Variants in ARMH1 observed in about 807,000 individuals in gnomAD.
The protein encoded by ARMH1 is armadillo like helical domain containing 1, also known as armadillo-like helical domain containing protein 1.
In ARMH1, 34 loss-of-function variants were observed where a neutral mutation model predicts 50.2. The observed-to-expected ratio is 0.68, with a 90% CI of 0.51 to 0.90. The LOEUF (loss-of-function observed/expected upper bound fraction) is 0.90. Among genes scored for constraint, ARMH1 ranks in the 40% least tolerant of loss-of-function variants. The probability of loss-of-function intolerance (pLI) is 0.00; values close to 1 mark genes in which losing one functional copy is unlikely to be tolerated. For synonymous variants in ARMH1, 221 were observed against 224.2 expected (o/e 0.99, Z 0.13); for missense variants, 538 against 553.9 (o/e 0.97, Z 0.29).
rs1469911244 is a variant in ARMH1 at position 44,724,398 on chromosome 1, C to T, written c.920+6C>T. The stretch of plus-strand genomic sequence containing the variant: ...GCGGCCGCCAAGGCCATCGGGTAAG[C>T]GGGCAGGGGTTAGTGGGTAGCTGCA... On this transcript the variant is annotated splice_donor_region_variant and intron_variant, in intron 8 of 11. Coordinates refer to ENST00000535358, the MANE Select transcript of ARMH1 (RefSeq NM_001145636.2). This position sits in a 1 kb window ranked among gnomAD's most constrained non-coding sequence, Gnocchi z 6.4. 3.0e-5 allele frequency: 47 copies of T among 1,548,986 alleles called. No individual in the cohort carries two copies. The highest frequency in any genetic ancestry group is 3.9e-5 in the Non-Finnish European group (45 of 1,146,774).
rs1200953382 is a variant in ARMH1, at chr1:44,724,737, A to C, written c.1051-25A>C. 1.3e-6 allele frequency: 2 copies of C among 1,516,564 alleles called. No individual in the cohort carries two copies. The highest frequency in any genetic ancestry group is 2.6e-5 in the East Asian group (1 of 38,388). 93.9% of individuals were successfully genotyped at this position (1,516,564 alleles called of 1,614,324 possible). ...CCGCAGCCCCGTCGCCCCCGCAGTCACGCCGCCTCGCCCGCGCGGCGCAGT... is the reference window on the plus strand; with the variant it reads ...CCGCAGCCCCGTCGCCCCCGCAGTCCCGCCGCCTCGCCCGCGCGGCGCAGT... On this transcript the variant is annotated intron_variant, in intron 9 of 11. Coordinates refer to ENST00000535358, the MANE Select transcript of ARMH1 (RefSeq NM_001145636.2). This position sits in a 1 kb window ranked among gnomAD's most constrained non-coding sequence, Gnocchi z 6.4.
Position 44,697,985 on chromosome 1 carries a change from C to A in ARMH1, c.276-78C>A, listed in dbSNP as rs1480865045. On this transcript the variant is annotated intron_variant, in intron 3 of 11. Coordinates refer to ENST00000535358, the MANE Select transcript of ARMH1 (RefSeq NM_001145636.2). The stretch of plus-strand genomic sequence containing the variant: ...GAGGGCAAAGTATGTAAAGAGGGGA[C>A]CTTGGGATCTCTTTGAAAGCTCAGT... 4 of 1,201,154 alleles carry A rather than the reference C, an allele frequency of 3.3e-6. No homozygotes were observed. In the East Asian group the frequency reaches 8.0e-5, roughly 24 times the overall value. The allele number at this position is 1,201,154 out of a possible 1,614,324, so 74.4% of individuals were successfully genotyped here. A position where few individuals can be genotyped will look rare whatever the true frequency, so the allele number is the denominator to read the frequency against.
In ARMH1 at chr1:44,699,376, T is replaced by C. The variant is rs1645953872; in HGVS notation, c.442+1147T>C. ...CTAGGTATATGCCAGGTGCTAGGGA[T>C]ACAAAAATGAATACAATATAATCCC... On this transcript the variant is annotated intron_variant, in intron 4 of 11. Coordinates refer to ENST00000535358, the MANE Select transcript of ARMH1 (RefSeq NM_001145636.2). Among the ~76,000 whole-genome samples, 9 of 152,094 alleles carry C rather than the reference T, an allele frequency of 5.9e-5. No individual in the cohort carries two copies. In the South Asian group the frequency reaches 1.9e-3, roughly 32 times the overall value.
chr1:44,690,037 G>A, intron 2 of ARMH1, 134 bp downstream of exon 2: 1 of 728,858 alleles, frequency 1.4e-6, no homozygotes, highest in Non-Finnish European at 2.2e-6. Context: ...AACCAACATG[G>A]TGAAACCCTG....
intron 6 of ARMH1, among the ~76,000 whole-genome samples, chr1:44,706,961 T>A (rs901188767): frequency 6.6e-6 from 1 of 152,074 alleles, no homozygotes; most frequent in East Asian, 1.9e-4. Flanking sequence ...TGTGGCAAAC[T>A]TGCCCACTCC....
chr1:44,725,393 C>G lies in ARMH1; in HGVS notation c.1313C>G (p.Ser438Ter). 6.4e-7 allele frequency: 1 copy of G among 1,551,750 alleles called. No homozygotes were observed. ...YLTHFEEDVE[S>*]KE Reference sequence around the variant, plus strand: ...ACACACTTCGAGGAGGATGTAGAATCAAAGGAGTAACAGCCCCTGTGGCAA... The same window carrying G: ...ACACACTTCGAGGAGGATGTAGAATGAAAGGAGTAACAGCCCCTGTGGCAA... Residue 438 changes from serine to a stop codon, truncating the protein, a stop_gained, in exon 12 of 12, where the codon TCA becomes TGA. Transcript: ENST00000535358. LOFTEE classifies it high-confidence loss of function.
At chr1:44,707,804 C>T (rs140742834) in intron 6 of ARMH1, among the ~76,000 whole-genome samples, 3 of 152,308 alleles carry the variant, frequency 2.0e-5, no homozygotes, top group African/African-American at 7.2e-5. Flanking sequence ...AAGTTAGAGT[C>T]CTTCTGCATT....
intron 6 of ARMH1, among the ~76,000 whole-genome samples, chr1:44,711,011 A>G (rs1646590899): frequency 1.3e-5 from 2 of 152,276 alleles, no homozygotes; most frequent in Non-Finnish European, 2.9e-5. Context: ...CCCACATTGT[A>G]ACATGCATCA....
At chr1:44,719,020 T>C (rs574871008) in intron 6 of ARMH1, among the ~76,000 whole-genome samples, 30 of 120,914 alleles carry the variant, frequency 2.5e-4, no homozygotes, top group African/African-American at 1.1e-3. Flanking sequence ...AGTGAAACTG[T>C]CTCGGAAAAA....
chr1:44,686,930 C>A (rs1295094190), intron 1 of ARMH1, among the ~76,000 whole-genome samples: 3 of 136,888 alleles, frequency 2.2e-5, no homozygotes, highest in Non-Finnish European at 3.1e-5. Flanking sequence ...GCAGGCCGGG[C>A]AACATAGTGA....
At chr1:44,689,655 C>T (rs1645590555) in intron 1 of ARMH1, 21 bp from the exon 2 acceptor site, 5 of 1,519,554 alleles carry the variant, frequency 3.3e-6, no homozygotes, top group Non-Finnish European at 4.5e-6. Flanking sequence ...GGTAACCTGT[C>T]TCTTTTCCCT....
chr1:44,683,229 A>C lies in ARMH1; in HGVS notation c.-22-6447A>C, dbSNP rs1417289758. Among the ~76,000 whole-genome samples the C allele has an allele frequency of 6.6e-6, 1 of 152,208 alleles. No homozygotes were observed. Among genetic ancestry groups the C allele is most frequent in the Non-Finnish European group, 1.5e-5 (1 of 68,036 alleles). ...CCAAGCACTGAAATAGGACCAACAC[A>C]GGGCAAGGGGCAGGTGTGAGTTGAT... On this transcript the variant is annotated intron_variant, in intron 1 of 11. Coordinates refer to ENST00000535358, the MANE Select transcript of ARMH1 (RefSeq NM_001145636.2). The surrounding 1 kb of genome is among the most constrained non-coding windows in gnomAD (Gnocchi z 4.2).
chr1:44,687,024 G>A (rs964384200), intron 1 of ARMH1, among the ~76,000 whole-genome samples: 23 of 151,854 alleles, frequency 1.5e-4, no homozygotes, highest in Non-Finnish European at 2.2e-4. Flanking sequence ...TATTGCCTAA[G>A]GTTGATACAT....
rs1645596286 is a variant in ARMH1, at chr1:44,689,807, A to T, written c.110A>T (p.Glu37Val). The change falls in exon 2 of 12, where the codon GAA (glutamate) becomes GTA (valine). Residue 37 changes from glutamate to valine, a missense_variant. Glu to Val is a moderately radical substitution (Grantham distance 121, BLOSUM62 -2). Transcript: ENST00000535358. ...ARSHILDKFI[E>V]TNQGKTAPEL... ...AGTCACATCCTCGACAAGTTCATTG[A>T]AACCAACCAAGGCAAGACTGCCCCT... 3.2e-6 allele frequency: 5 copies of T among 1,551,672 alleles called. No individual in the cohort carries two copies. The highest frequency in any genetic ancestry group is 4.4e-6 in the Non-Finnish European group (5 of 1,147,024).
intron 6 of ARMH1, among the ~76,000 whole-genome samples, chr1:44,715,842 C>T (rs968194287): frequency 2.0e-5 from 3 of 152,204 alleles, no homozygotes; most frequent in Admixed American, 6.5e-5. Context: ...GGATTACAGG[C>T]GTGAGCCACT....
chr1:44,686,762 GAGTT>G (rs923474389), intron 1 of ARMH1, among the ~76,000 whole-genome samples: 2 of 151,486 alleles, frequency 1.3e-5, no homozygotes, highest in African/African-American at 4.8e-5. Flanking sequence ...AAAAAAATGG[GAGTT>G]AGAGTGGTGC....
intron 2 of ARMH1, among the ~76,000 whole-genome samples, chr1:44,691,728 A>T (rs1191258413): frequency 6.6e-6 from 1 of 152,162 alleles, no homozygotes; most frequent in Non-Finnish European, 1.5e-5. Context: ...TTCCATACCT[A>T]TATATCCAAC....
chr1:44,720,135 T>G (rs1179553531), intron 6 of ARMH1, among the ~76,000 whole-genome samples: 2 of 144,236 alleles, frequency 1.4e-5, no homozygotes, highest in Non-Finnish European at 3.0e-5. Flanking sequence ...AGGCAGAGGT[T>G]GCAGTGAGCC....
At chr1:44,699,666 G>A (rs1180638659) in intron 4 of ARMH1, among the ~76,000 whole-genome samples, 1 of 151,932 alleles carries the variant, frequency 6.6e-6, no homozygotes, top group Admixed American at 6.6e-5. Context: ...AGCCATGGCT[G>A]GTCTCAAACT....
Sources: allele counts gnomAD v4.1 joint callset (sites outside exome capture counted in the v4.1 genomes callset), GRCh38; gene constraint gnomAD v4.1.1; non-coding constraint Gnocchi (gnomAD v3.1); transcripts MANE v1.5; gene names NCBI Gene and HGNC (gene_info 2026-07-23, HGNC 2026-07-21).